The following TMEM245 variants were observed in gnomAD, a reference collection of about 807,000 sequenced individuals.
TMEM245 encodes transmembrane protein 245, also known as protein CG-2.
TMEM245 carries 69 observed loss-of-function variants against 101.2 expected under a neutral mutation model. The observed-to-expected ratio is 0.68, with a 90% CI of 0.56 to 0.83. TMEM245 has a LOEUF of 0.83. Among genes scored for constraint, TMEM245 ranks in the 40% least tolerant of loss-of-function variants. The pLI is 0.00. For synonymous variants in TMEM245, 537 were observed against 449.8 expected (o/e 1.19, Z -2.45); for missense variants, 1,075 against 1,092.8 (o/e 0.98, Z 0.23).
At chr9:109,027,641 C>A (rs1377197494) in intron 17 of TMEM245, among the ~76,000 whole-genome samples, 1 of 152,110 alleles carries the variant, frequency 6.6e-6, no homozygotes, top group Non-Finnish European at 1.5e-5. Context: ...TATGGTAACA[C>A]ATATCACAAT....
intron 9 of TMEM245, among the ~76,000 whole-genome samples, chr9:109,064,855 C>T (rs926436311): frequency 3.3e-5 from 5 of 152,170 alleles, no homozygotes; most frequent in East Asian, 1.9e-4. Flanking sequence ...GATCTCGGCT[C>T]GGTGCAACCC....
At position 109,119,480 on chromosome 9, in the gene TMEM245, C is replaced by T; in HGVS notation, c.434G>A (p.Arg145His). ...GCCGAGCAGCAGGAGCAGGCGGCGG[C>T]GGCGCAGCGCCTGCTCGCCCAGGGC... is the stretch of plus-strand genomic sequence containing the variant. ...VEALGEQALR[R>H]RRLLLLLGAG... Residue 145 changes from arginine to histidine, a missense_variant, in exon 1 of 18, where the codon CGC becomes CAC. Physicochemically the swap from Arg to His is conservative, Grantham distance 29. Transcript: ENST00000374586. The T allele has an allele frequency of 1.3e-6, 2 of 1,484,234 alleles. No homozygotes were observed. Among genetic ancestry groups the T allele is most frequent in the Non-Finnish European group, 1.8e-6 (2 of 1,128,168 alleles). 91.9% of individuals were successfully genotyped at this position (1,484,234 alleles called of 1,614,324 possible). A position where few individuals can be genotyped will look rare whatever the true frequency, so the allele number is the denominator to read the frequency against.
At chr9:109,050,788 T>A in intron 12 of TMEM245, 96 bp from the exon 13 acceptor site, 2 of 1,320,664 alleles carry the variant, frequency 1.5e-6, no homozygotes, top group Non-Finnish European at 2.1e-6. Context: ...TTTAGTACCA[T>A]GAACTGAAAA....
chr9:109,055,621 C>A (rs546095707), intron 12 of TMEM245, among the ~76,000 whole-genome samples: 2 of 151,128 alleles, frequency 1.3e-5, no homozygotes, highest in Admixed American at 6.6e-5. Flanking sequence ...AAATTTCAAT[C>A]ACGGTTTCTT....
chr9:109,106,777 T>G (rs1217555506), intron 2 of TMEM245, among the ~76,000 whole-genome samples, 168 bp from the exon 3 acceptor site: 1 of 152,010 alleles, frequency 6.6e-6, no homozygotes, highest in African/African-American at 2.4e-5. Flanking sequence ...AACTTCAAGA[T>G]TTCTCAAAAT....
At chr9:109,109,259 G>T (rs949318090) in intron 1 of TMEM245, among the ~76,000 whole-genome samples, 1 of 152,058 alleles carries the variant, frequency 6.6e-6, no homozygotes, top group Non-Finnish European at 1.5e-5. Context: ...AAAGTTAAAT[G>T]ACCCTAGAGC....
intron 4 of TMEM245, among the ~76,000 whole-genome samples, chr9:109,091,406 A>G (rs577942): frequency 0.93 from 142,027 of 152,262 alleles, 66,344 homozygotes; most frequent in East Asian, 1. Flanking sequence ...ATTGGGAGTC[A>G]TTAAAACAAA....
intron 3 of TMEM245, among the ~76,000 whole-genome samples, chr9:109,094,714 T>C (rs1481144777): frequency 6.6e-6 from 1 of 152,126 alleles, no homozygotes; most frequent in Non-Finnish European, 1.5e-5. Flanking sequence ...CAATACCTCC[T>C]ACTATTTATT....
rs913251071 is a variant in TMEM245, at chr9:109,108,548, T to G, written c.602A>C (p.Tyr201Ser). The G allele has an allele frequency of 6.2e-7, 1 of 1,605,938 alleles. No homozygotes were observed. The highest frequency in any genetic ancestry group is 8.5e-7 in the Non-Finnish European group (1 of 1,177,024). The change falls in exon 2 of 18, where the codon TAT (tyrosine) becomes TCT (serine). Residue 201 changes from tyrosine to serine, a missense_variant. Coordinates refer to ENST00000374586, the MANE Select transcript of TMEM245 (RefSeq NM_032012.4). ...CCACTTGAATGAAACAGTCAACACA[T>G]AGCCAACCACCAACGTCCAGATCTT... Reference protein sequence around the residue: ...SLWIWTLVVGYVLTVSFKWNA... With the variant: ...SLWIWTLVVGSVLTVSFKWNA...
chr9:109,079,065 T>A (rs542615261), intron 8 of TMEM245, among the ~76,000 whole-genome samples: 1 of 152,326 alleles, frequency 6.6e-6, no homozygotes, highest in East Asian at 1.9e-4. Flanking sequence ...TTACTGCCCA[T>A]GCAAGAATGT....
At position 109,034,760 on chromosome 9, in the gene TMEM245, A is replaced by T. The variant is rs560210531; in HGVS notation, c.2400-1259T>A. On this transcript the variant is annotated intron_variant, in intron 16 of 17. Transcript: ENST00000374586. ...TATGCTCAGCCTTAAAGCTTTTTTT[A>T]AAAAAAATAAAAACGTGTGGGAGTT... Among the ~76,000 whole-genome samples, 168 of 152,098 alleles carry T rather than the reference A, an allele frequency of 1.1e-3. 1 individual carries two copies. Among genetic ancestry groups the T allele is most frequent in the African/African-American group, 3.4e-3 (143 of 41,500 alleles).
chr9:109,053,970 A>C (rs2132405596), intron 12 of TMEM245, among the ~76,000 whole-genome samples: 1 of 152,308 alleles, frequency 6.6e-6, no homozygotes, highest in African/African-American at 2.4e-5. Flanking sequence ...TTATCTTTAA[A>C]GGAAGGGACA....
intron 5 of TMEM245, among the ~76,000 whole-genome samples, 158 bp downstream of exon 5, chr9:109,090,764 T>C (rs551578046): frequency 6.6e-6 from 1 of 151,090 alleles, no homozygotes; most frequent in African/African-American, 2.4e-5. Context: ...AAGTAATAAA[T>C]TAACCAAATG....
chr9:109,083,654 C>T (rs1829734648), intron 7 of TMEM245, among the ~76,000 whole-genome samples: 1 of 151,992 alleles, frequency 6.6e-6, no homozygotes, highest in Non-Finnish European at 1.5e-5. Flanking sequence ...AAGTATTCCA[C>T]TACTGAGTTT....
rs1827505164 is a variant in TMEM245, at chr9:109,018,204, TATGA to T, written c.*2252_*2255del. 6.6e-6 allele frequency: 1 copy of T among 152,244 alleles called. No individual in the cohort carries two copies. The highest frequency in any genetic ancestry group is 2.4e-5 in the African/African-American group (1 of 41,476). 9.4% of individuals were successfully genotyped at this position (152,244 alleles called of 1,614,324 possible). Reference sequence around the variant, plus strand: ...TAACTCATTGTATATATTTGTCTCTTATGAATATGTGCTAATTACATCTATAAAT... The same window carrying T: ...TAACTCATTGTATATATTTGTCTCTTATATGTGCTAATTACATCTATAAAT... On this transcript the variant is annotated 3_prime_UTR_variant, in exon 18 of 18. Coordinates refer to ENST00000374586, the MANE Select transcript of TMEM245 (RefSeq NM_032012.4).
At chr9:109,023,895 C>T (rs1292423227) in intron 17 of TMEM245, among the ~76,000 whole-genome samples, 3 of 151,326 alleles carry the variant, frequency 2.0e-5, no homozygotes, top group Non-Finnish European at 4.4e-5. Flanking sequence ...ACTGTGGTCA[C>T]ATGGGACTAG....
At position 109,103,363 on chromosome 9, in the gene TMEM245, A is replaced by G. The variant is rs118138860; in HGVS notation, c.799+3145T>C. ...AAAACAATTCCACATGATAGTATCA[A>G]AAAGAATAAGGAATAAATTAAAGGT... On this transcript the variant is annotated intron_variant, in intron 3 of 17. Transcript: ENST00000374586. 5.0e-3 allele frequency among the ~76,000 whole-genome samples: 759 copies of G among 152,360 alleles called. 2 individuals carry two copies. Among genetic ancestry groups the G allele is most frequent in the Non-Finnish European group, 7.8e-3 (531 of 68,030 alleles).
intron 16 of TMEM245, among the ~76,000 whole-genome samples, chr9:109,035,232 A>G (rs954932565): frequency 2.6e-5 from 4 of 151,984 alleles, no homozygotes; most frequent in African/African-American, 9.7e-5. Flanking sequence ...AATTTACAGC[A>G]AAGTTTAAAG....
intron 3 of TMEM245, among the ~76,000 whole-genome samples, chr9:109,102,612 G>GTT (rs113168638): frequency 6.6e-6 from 1 of 152,044 alleles, no homozygotes; most frequent in African/African-American, 2.4e-5. Flanking sequence ...CTGTGATCTA[G>GTT]TTTTTTTGTG....
Sources: gnomAD v4.1 joint callset for allele counts (sites outside exome capture counted in the v4.1 genomes callset) on GRCh38, gnomAD v4.1.1 for gene constraint, MANE v1.5 for transcripts, NCBI Gene and HGNC (gene_info 2026-07-23, HGNC 2026-07-21) for gene names.